Variants in HACE1 observed in about 807,000 individuals in gnomAD.
HACE1 encodes E3 ubiquitin-protein ligase HACE1.
Under a neutral mutation model 118.4 loss-of-function variants are expected in HACE1, and 73 were observed. That is an observed-to-expected ratio of 0.62 (90% confidence interval 0.51 to 0.75). HACE1 has a LOEUF of 0.75. HACE1 is among the 30% of genes least tolerant of loss of function. HACE1 has a pLI of 0.00. For synonymous variants in HACE1, 368 were observed against 374.8 expected, an observed-to-expected ratio of 0.98 and a Z score of 0.21; for missense variants, 749 against 1,102.2, an observed-to-expected ratio of 0.68 and a Z score of 4.54.
At chr6:104,802,841 G>A (rs547012675) in intron 7 of HACE1, among the ~76,000 whole-genome samples, 1 of 152,272 alleles carries the variant, frequency 6.6e-6, no homozygotes, top group Non-Finnish European at 1.5e-5. Context: ...AAAGCTAGCA[G>A]AAGGCAAGAA....
At chr6:104,806,500 T>C (rs572555636) in intron 7 of HACE1, among the ~76,000 whole-genome samples, 1 of 152,106 alleles carries the variant, frequency 6.6e-6, no homozygotes, top group African/African-American at 2.4e-5. Flanking sequence ...ATTTTTTAAA[T>C]AGATTTAAAA....
chr6:104,748,480 T>C (rs1165623232), intron 20 of HACE1, among the ~76,000 whole-genome samples: 3 of 152,154 alleles, frequency 2.0e-5, no homozygotes, highest in South Asian at 2.1e-4. Context: ...CACCTCCTAA[T>C]GGGAGTGTAA....
At chr6:104,786,619 A>C (rs1320009473) in intron 11 of HACE1, 1 of 149,040 alleles carries the variant, frequency 6.7e-6, no homozygotes, top group Non-Finnish European at 1.5e-5. Context: ...AAAAAAAAAA[A>C]ACAAACAAAC....
chr6:104,785,051 G>A lies in HACE1; in HGVS notation c.1343C>T (p.Thr448Ile). 1 of 1,613,866 alleles carries A rather than the reference G, an allele frequency of 6.2e-7. No homozygotes were observed. Among genetic ancestry groups the A allele is most frequent in the Non-Finnish European group, 8.5e-7 (1 of 1,179,926 alleles). The change falls in exon 12 of 24, where the codon ACA becomes ATA. Residue 448 changes from threonine (T) to isoleucine (I), a missense_variant. Thr to Ile is a moderately conservative substitution (Grantham distance 89, BLOSUM62 -1). Coordinates refer to ENST00000262903, the MANE Select transcript of HACE1 (RefSeq NM_020771.4). ...AATGACAGCACTTAGCCGGTTAGCT[G>A]TCATAGAAATAACATCCTGACAATC... ...SADCQDVISM[T>I]ANRLSAVIQA...
chr6:104,748,968 T>TA (rs1277260961), intron 20 of HACE1, among the ~76,000 whole-genome samples: 1 of 152,178 alleles, frequency 6.6e-6, no homozygotes, highest in East Asian at 1.9e-4. Context: ...GTTTCATGGG[T>TA]ATGTTCAGTT....
intron 22 of HACE1, among the ~76,000 whole-genome samples, chr6:104,732,905 G>C (rs1026371566): frequency 1.4e-4 from 22 of 152,122 alleles, no homozygotes; most frequent in African/African-American, 5.1e-4. Context: ...AATAAACCAA[G>C]GCAACATTAA....
intron 1 of HACE1, among the ~76,000 whole-genome samples, chr6:104,853,888 T>C (rs1197841644): frequency 1.3e-5 from 2 of 152,156 alleles, no homozygotes; most frequent in African/African-American, 4.8e-5. Flanking sequence ...ATATGATTTT[T>C]TTCCCTACAT....
chr6:104,833,614 C>A (rs959581409), intron 5 of HACE1, among the ~76,000 whole-genome samples: 4 of 152,122 alleles, frequency 2.6e-5, no homozygotes, highest in African/African-American at 9.7e-5. Flanking sequence ...GAAGTTGAGG[C>A]AAGAGGATTG....
intron 5 of HACE1, among the ~76,000 whole-genome samples, chr6:104,834,950 G>T (rs1411140321): frequency 6.6e-6 from 1 of 152,210 alleles, no homozygotes; most frequent in Non-Finnish European, 1.5e-5. Context: ...ACAGTCTCTA[G>T]ATAAGAGACA....
At chr6:104,831,493 A>C (rs1376407662) in intron 6 of HACE1, among the ~76,000 whole-genome samples, 1 of 151,774 alleles carries the variant, frequency 6.6e-6, no homozygotes, top group African/African-American at 2.4e-5. Context: ...GCTGAGGCAC[A>C]AGGATCACTT....
chr6:104,774,251 G>C (rs1188084794), intron 17 of HACE1, among the ~76,000 whole-genome samples: 1 of 128,154 alleles, frequency 7.8e-6, no homozygotes, highest in Non-Finnish European at 1.6e-5. Context: ...CACTACGCCC[G>C]GCTAATTTTT....
intron 6 of HACE1, among the ~76,000 whole-genome samples, chr6:104,828,063 A>C (rs954966444): frequency 1.3e-5 from 2 of 152,092 alleles, no homozygotes; most frequent in African/African-American, 4.8e-5. Context: ...AATCCACGTT[A>C]TTCTGAGAAG....
chr6:104,730,206 GAGGTTTT>G, intron 23 of HACE1, 90 bp downstream of exon 23: 1 of 738,484 alleles, frequency 1.4e-6, no homozygotes, highest in Non-Finnish European at 2.5e-6. Flanking sequence ...GATCACAGCT[GAGGTTTT>G]CCTCCCAATG....
chr6:104,785,941 G>A (rs936243804), intron 11 of HACE1: 1 of 152,056 alleles, frequency 6.6e-6, no homozygotes, highest in Non-Finnish European at 1.5e-5. Flanking sequence ...TACAAAATGT[G>A]GCATATTTAT....
chr6:104,840,612 T>C (rs1456271929), intron 5 of HACE1, among the ~76,000 whole-genome samples: 3 of 152,076 alleles, frequency 2.0e-5, no homozygotes, highest in Non-Finnish European at 2.9e-5. Context: ...GTGGATCACC[T>C]GAGGTCAGGA....
At chr6:104,828,600 G>A (rs1022098534) in intron 6 of HACE1, among the ~76,000 whole-genome samples, 2 of 151,780 alleles carry the variant, frequency 1.3e-5, no homozygotes, top group South Asian at 2.1e-4. Context: ...TATTAAATAC[G>A]GATAGAAGTA....
Position 104,744,492 on chromosome 6 carries a change from A to C in HACE1, c.2442+20T>G. 7.7e-7 allele frequency: 1 copy of C among 1,303,534 alleles called. No homozygotes were observed. Among genetic ancestry groups the C allele is most frequent in the Non-Finnish European group, 1.1e-6 (1 of 896,490 alleles). The allele number at this position is 1,303,534 out of a possible 1,614,324, so 80.7% of individuals were successfully genotyped here. A position where few individuals can be genotyped will look rare whatever the true frequency, so the allele number is the denominator to read the frequency against. Reference sequence around the variant, plus strand: ...AAACGGCAAAACTTAACTTCATTCTAAGCTCTAGAGAAATTTTACCTGAAT... The same window carrying C: ...AAACGGCAAAACTTAACTTCATTCTCAGCTCTAGAGAAATTTTACCTGAAT... On this transcript the variant is annotated intron_variant, in intron 21 of 23. Coordinates refer to ENST00000262903, the MANE Select transcript of HACE1 (RefSeq NM_020771.4).
intron 3 of HACE1, among the ~76,000 whole-genome samples, chr6:104,850,183 C>T (rs969324685): frequency 1.3e-5 from 2 of 152,124 alleles, no homozygotes; most frequent in Non-Finnish European, 2.9e-5. Context: ...CTCCTGACCT[C>T]AAGTGATCTA....
intron 20 of HACE1, among the ~76,000 whole-genome samples, chr6:104,745,455 C>CTTTTTTTTTTTTTTTTT (rs370049285): frequency 7.6e-6 from 1 of 131,976 alleles, no homozygotes; most frequent in African/African-American, 3.1e-5. Context: ...TCAGGATTTC[C>CTTTTTTTTTTTTTTTTT]TTTTTTTTTG....
Sources: gnomAD v4.1 joint callset for allele counts (sites outside exome capture counted in the v4.1 genomes callset) on GRCh38, gnomAD v4.1.1 for gene constraint, MANE v1.5 for transcripts, NCBI Gene and HGNC (gene_info 2026-07-23, HGNC 2026-07-21) for gene names.